TNFRSF11B: variants seen among roughly 807,000 people sequenced by gnomAD.
TNFRSF11B encodes the protein TNF receptor superfamily member 11b.
In TNFRSF11B, 16 loss-of-function variants were observed where a neutral mutation model predicts 43.4. That is an observed-to-expected ratio of 0.37 (90% CI 0.25 to 0.56). The LOEUF (loss-of-function observed/expected upper bound fraction) is 0.56. Ranked by LOEUF, TNFRSF11B falls within the 20% of genes least tolerant of loss-of-function variation. The pLI is 0.80. For synonymous variants in TNFRSF11B, 185 were observed against 181.8 expected, an observed-to-expected ratio of 1.02 and a Z score of -0.14; for missense variants, 444 against 490.1, an observed-to-expected ratio of 0.91 and a Z score of 0.89.
chr8:118,950,184 T>C (rs1244281972), intron 1 of TNFRSF11B, among the ~76,000 whole-genome samples: 1 of 152,254 alleles, frequency 6.6e-6, no homozygotes, highest in Non-Finnish European at 1.5e-5. Context: ...AGTATGTTTG[T>C]TATTAATTAA....
chr8:118,932,824 C>T (rs1347846277), intron 2 of TNFRSF11B, 107 bp downstream of exon 2: 12 of 1,468,734 alleles, frequency 8.2e-6, no homozygotes, highest in East Asian at 2.3e-5. Context: ...ATTACCTTTG[C>T]AATTTGCTAT....
chr8:118,936,586 T>C (rs1812408888), intron 1 of TNFRSF11B, among the ~76,000 whole-genome samples: 1 of 152,186 alleles, frequency 6.6e-6, no homozygotes, highest in Non-Finnish European at 1.5e-5. Context: ...CACCTTAACA[T>C]TGGATACAGC....
chr8:118,946,122 C>G (rs1393104571), intron 1 of TNFRSF11B, among the ~76,000 whole-genome samples: 1 of 152,090 alleles, frequency 6.6e-6, no homozygotes, highest in East Asian at 1.9e-4. Context: ...TTCATTTCCT[C>G]TTGCATCCTC....
intron 2 of TNFRSF11B, chr8:118,930,702 G>A (rs375858506): frequency 2.5e-5 from 11 of 445,876 alleles, no homozygotes; most frequent in Non-Finnish European, 4.1e-5. Context: ...GTGAGCCACC[G>A]TGCCGGGCCT....
chr8:118,934,506 G>A (rs1358255608), intron 1 of TNFRSF11B, among the ~76,000 whole-genome samples: 1 of 152,178 alleles, frequency 6.6e-6, no homozygotes, highest in Non-Finnish European at 1.5e-5. Context: ...GAAGAGGCCT[G>A]TGCAGTAGGG....
rs1169891314 is a variant in TNFRSF11B, at chr8:118,926,593, T to A, written c.718A>T (p.Ile240Leu). The A allele has an allele frequency of 3.1e-6, 5 of 1,614,016 alleles. No homozygotes were observed. The highest frequency in any genetic ancestry group is 4.2e-6 in the Non-Finnish European group (5 of 1,180,008). Residue 240 changes from isoleucine to leucine, a missense_variant, in exon 4 of 5, where the codon ATA becomes TTA. Coordinates refer to ENST00000297350, the MANE Select transcript of TNFRSF11B (RefSeq NM_002546.4). ...TCTTGTGAGCTGTGTTGCCGTTTTA[T>A]CCTCTCTACACTCTCTGCGTTTACT... ...TKVNAESVER[I>L]KRQHSSQEQT...
intron 3 of TNFRSF11B, among the ~76,000 whole-genome samples, chr8:118,927,473 G>T (rs192565344): frequency 2.0e-5 from 3 of 148,198 alleles, no homozygotes; most frequent in East Asian, 2.0e-4. Flanking sequence ...CACAATAAAT[G>T]AAAAAAAGTA....
intron 2 of TNFRSF11B, among the ~76,000 whole-genome samples, chr8:118,932,474 ATAAT>A (rs1373183495): frequency 1.3e-5 from 2 of 152,226 alleles, no homozygotes; most frequent in Admixed American, 6.5e-5. Flanking sequence ...CATTTTTTAC[ATAAT>A]TAATTATAAC....
At chr8:118,942,795 AC>A (rs1431553826) in intron 1 of TNFRSF11B, among the ~76,000 whole-genome samples, 1 of 152,100 alleles carries the variant, frequency 6.6e-6, no homozygotes, top group African/African-American at 2.4e-5. Flanking sequence ...TCCCGTCTGA[AC>A]CTAAGCCTTT....
At chr8:118,926,854 T>A in intron 3 of TNFRSF11B, 136 bp from the exon 4 acceptor site, 1 of 920,650 alleles carries the variant, frequency 1.1e-6, no homozygotes, top group Non-Finnish European at 1.7e-6. Flanking sequence ...AAAGTTTGAA[T>A]AAAATCAAGC....
chr8:118,942,470 A>G (rs1812500207), intron 1 of TNFRSF11B, among the ~76,000 whole-genome samples: 2 of 152,156 alleles, frequency 1.3e-5, no homozygotes. Context: ...AATAGAAACT[A>G]GAAGAAATGG....
At chr8:118,947,923 C>G (rs1369852984) in intron 1 of TNFRSF11B, among the ~76,000 whole-genome samples, 1 of 152,174 alleles carries the variant, frequency 6.6e-6, no homozygotes, top group East Asian at 1.9e-4. Flanking sequence ...TTTAAGTCTT[C>G]AAGTGAAGCC....
chr8:118,946,615 A>T (rs1812564727), intron 1 of TNFRSF11B, among the ~76,000 whole-genome samples: 1 of 152,088 alleles, frequency 6.6e-6, no homozygotes, highest in Non-Finnish European at 1.5e-5. Flanking sequence ...TTTTCTAAAC[A>T]TGGCTGCTAC....
At chr8:118,948,359 GAAAATA>G (rs1442053096) in intron 1 of TNFRSF11B, among the ~76,000 whole-genome samples, 1 of 151,998 alleles carries the variant, frequency 6.6e-6, no homozygotes, top group Non-Finnish European at 1.5e-5. Flanking sequence ...AGATGCTAGA[GAAAATA>G]ATGCTTTTTA....
At chr8:118,924,980 C>A (rs1812229046) in intron 4 of TNFRSF11B, among the ~76,000 whole-genome samples, 1 of 152,072 alleles carries the variant, frequency 6.6e-6, no homozygotes, top group Non-Finnish European at 1.5e-5. Flanking sequence ...ATATTTTTGG[C>A]ATCCAACAAA....
At chr8:118,924,923 T>G (rs1812228210) in intron 4 of TNFRSF11B, among the ~76,000 whole-genome samples, 161 bp from the exon 5 acceptor site, 1 of 152,216 alleles carries the variant, frequency 6.6e-6, no homozygotes, top group African/African-American at 2.4e-5. Flanking sequence ...CATTTATTTC[T>G]AAGAACTGAG....
At chr8:118,942,395 A>G (rs941374901) in intron 1 of TNFRSF11B, among the ~76,000 whole-genome samples, 4 of 152,042 alleles carry the variant, frequency 2.6e-5, no homozygotes, top group East Asian at 1.9e-4. Context: ...TTGAAGCCCA[A>G]TCAATATATG....
chr8:118,933,095 T>A lies in TNFRSF11B; in HGVS notation c.236A>T (p.Glu79Val). The change falls in exon 2 of 5, where the codon GAG becomes GTG. Residue 79 changes from glutamate (E) to valine (V), a missense_variant. Glu to Val is a moderately radical substitution (Grantham distance 121). Coordinates refer to ENST00000297350, the MANE Select transcript of TNFRSF11B (RefSeq NM_002546.4). ...GCACACGGGGCTGCAGTATAGACAC[T>A]CGTCACTGGTGTGCCAGCTGTCTGT... Reference protein sequence around the residue: ...YYTDSWHTSDECLYCSPVCKE... With the variant: ...YYTDSWHTSDVCLYCSPVCKE... The A allele has an allele frequency of 6.2e-7, 1 of 1,614,192 alleles. No individual in the cohort carries two copies. Among genetic ancestry groups the A allele is most frequent in the South Asian group, 1.1e-5 (1 of 91,086 alleles).
chr8:118,949,061 A>G (rs1235315986), intron 1 of TNFRSF11B, among the ~76,000 whole-genome samples: 1 of 152,162 alleles, frequency 6.6e-6, no homozygotes, highest in Non-Finnish European at 1.5e-5. Context: ...CCTAAGCCTG[A>G]GTGAAGCAGA....
Sources: allele counts gnomAD v4.1 joint callset (sites outside exome capture counted in the v4.1 genomes callset), GRCh38; gene constraint gnomAD v4.1.1; transcripts MANE v1.5; gene names NCBI Gene and HGNC (gene_info 2026-07-23, HGNC 2026-07-21).